The following CYP2U1 variants were observed in gnomAD, a reference collection of about 807,000 sequenced individuals.
CYP2U1 encodes cytochrome P450 family 2 subfamily U member 1.
CYP2U1 carries 28 observed loss-of-function variants against 42.8 expected under a neutral mutation model. The observed-to-expected ratio is 0.65, with a 90% CI of 0.48 to 0.90. The LOEUF (loss-of-function observed/expected upper bound fraction) is 0.90, where lower values mean the gene tolerates loss of function less well. CYP2U1 is among the 40% of genes least tolerant of loss of function. The pLI is 0.00. For synonymous variants in CYP2U1, 296 were observed against 278.9 expected, an observed-to-expected ratio of 1.06 and a Z score of -0.61; for missense variants, 642 against 693.8, an observed-to-expected ratio of 0.93 and a Z score of 0.84.
In CYP2U1 at chr4:107,951,387, C is replaced by T. The variant is rs1733899580; in HGVS notation, c.*964C>T. ...TGTCCTAGCGTCCCTGCCACCAGGC[C>T]CAATGCATCTGATCCTTGAATATAC... On this transcript the variant is annotated 3_prime_UTR_variant, in exon 5 of 5. Coordinates refer to ENST00000332884, the MANE Select transcript of CYP2U1 (RefSeq NM_183075.3). 1 of 152,154 alleles carries T rather than the reference C, an allele frequency of 6.6e-6. No homozygotes were observed. Among genetic ancestry groups the T allele is most frequent in the South Asian group, 2.1e-4 (1 of 4,826 alleles). 9.4% of individuals were successfully genotyped at this position (152,154 alleles called of 1,614,324 possible). A position where few individuals can be genotyped will look rare whatever the true frequency, so the allele number is the denominator to read the frequency against.
At position 107,931,740 on chromosome 4, in the gene CYP2U1, A is replaced by G; in HGVS notation, c.97A>G (p.Ser33Gly). 7.0e-7 allele frequency: 1 copy of G among 1,421,916 alleles called. No homozygotes were observed. The highest frequency in any genetic ancestry group is 1.5e-5 in the South Asian group (1 of 65,774). The allele number at this position is 1,421,916 out of a possible 1,614,324, so 88.1% of individuals were successfully genotyped here. A position where few individuals can be genotyped will look rare whatever the true frequency, so the allele number is the denominator to read the frequency against. ...TCTGGGGCTGCTGCGGCTGGACCCC[A>G]GCGGGGGCGCGCTGCTGCTATGCGG... is the stretch of plus-strand genomic sequence containing the variant. ...APLGLLRLDP[S>G]GGALLLCGLV... is the part of the protein sequence containing the mutation. Residue 33 changes from serine to glycine, a missense_variant, in exon 1 of 5, where the codon AGC (serine) becomes GGC (glycine). Transcript: ENST00000332884.
In CYP2U1 at chr4:107,949,521, A is replaced by G. The variant is rs1733835337; in HGVS notation, c.1456+4A>G. The G allele has an allele frequency of 2.6e-6, 4 of 1,535,532 alleles. No individual in the cohort carries two copies. Among genetic ancestry groups the G allele is most frequent in the Non-Finnish European group, 3.5e-6 (4 of 1,138,774 alleles). On this transcript the variant is annotated splice_donor_region_variant and intron_variant, in intron 4 of 4. Coordinates refer to ENST00000332884, the MANE Select transcript of CYP2U1 (RefSeq NM_183075.3). ...ACCTTTATTCCTTTTGGGATAGGTC[A>G]GTTACACTTTTTTAAACTGCATAAT...
At position 107,931,575 on chromosome 4, in the gene CYP2U1, G is replaced by C. The variant is rs1226061307; in HGVS notation, c.-69G>C. On this transcript the variant is annotated 5_prime_UTR_variant, in exon 1 of 5. Coordinates refer to ENST00000332884, the MANE Select transcript of CYP2U1 (RefSeq NM_183075.3). ...GAGCAGAGCAGGACACTGGCGCCGC[G>C]GGTCAGGCAGCTGCGTGCGCGTCTC... 2.5e-6 allele frequency: 3 copies of C among 1,214,392 alleles called. No homozygotes were observed. The highest frequency in any genetic ancestry group is 3.3e-5 in the East Asian group (1 of 30,198). 75.2% of individuals were successfully genotyped at this position (1,214,392 alleles called of 1,614,324 possible).
chr4:107,940,559 A>G (rs1258585100), intron 1 of CYP2U1: 1 of 151,802 alleles, frequency 6.6e-6, no homozygotes, highest in Non-Finnish European at 1.5e-5. Context: ...ATTTTACACT[A>G]AAGGAAAGAT....
At chr4:107,933,661 A>C (rs962451848) in intron 1 of CYP2U1, among the ~76,000 whole-genome samples, 3 of 152,238 alleles carry the variant, frequency 2.0e-5, no homozygotes, top group South Asian at 4.1e-4. Flanking sequence ...ACCTCCTGCG[A>C]ATAACAAAAC....
At chr4:107,948,361 C>T (rs748510777) in intron 3 of CYP2U1, among the ~76,000 whole-genome samples, 14 of 150,664 alleles carry the variant, frequency 9.3e-5, no homozygotes, top group Non-Finnish European at 1.6e-4. Flanking sequence ...GCCAGGAGTT[C>T]GAGACCAGCC....
At chr4:107,948,576 C>CAGT (rs879832185) in intron 3 of CYP2U1, among the ~76,000 whole-genome samples, 1 of 151,522 alleles carries the variant, frequency 6.6e-6, no homozygotes, top group Non-Finnish European at 1.5e-5. Flanking sequence ...CAGCCTGTCT[C>CAGT]AATAATAATA....
intron 1 of CYP2U1, chr4:107,940,797 G>A (rs1293590547): frequency 6.6e-6 from 1 of 152,138 alleles, no homozygotes; most frequent in East Asian, 1.9e-4. Context: ...AAGATGAGAA[G>A]GAAGGGGGAA....
chr4:107,932,101 T>C lies in CYP2U1; in HGVS notation c.458T>C (p.Val153Ala). The C allele has an allele frequency of 1.2e-6, 2 of 1,600,050 alleles. No homozygotes were observed. The highest frequency in any genetic ancestry group is 2.3e-5 in the South Asian group (2 of 88,590). ...GAGGTCTTCAGCGACCGCCCGCGGG[T>C]GCCGCTCATCTCCATCGTGACCAAG... ...QAEVFSDRPRVPLISIVTKEK... is the reference protein window; with the variant it reads ...QAEVFSDRPRAPLISIVTKEK... The change falls in exon 1 of 5, where the codon GTG (valine) becomes GCG (alanine). Residue 153 changes from valine to alanine, a missense_variant. By Grantham distance (64) the Val-to-Ala change is moderately conservative (BLOSUM62 0). Transcript: ENST00000332884.
chr4:107,950,369 A>T lies in CYP2U1; in HGVS notation c.1581A>T (p.Arg527Ser). ...CTAAGAAGCCCCTCCTGACTGGAAG[A>T]TTTGGTCTAACTTTAGCCCCACATC... Reference protein sequence around the residue: ...EDSKKPLLTGRFGLTLAPHPF... With the variant: ...EDSKKPLLTGSFGLTLAPHPF... The change falls in exon 5 of 5, where the codon AGA (arginine) becomes AGT (serine). Residue 527 changes from arginine (R) to serine (S), a missense_variant. Transcript: ENST00000332884. The T allele has an allele frequency of 6.2e-7, 1 of 1,613,990 alleles. No homozygotes were observed. The highest frequency in any genetic ancestry group is 1.1e-5 in the South Asian group (1 of 91,036).
chr4:107,934,669 T>A (rs1397099542), intron 1 of CYP2U1, among the ~76,000 whole-genome samples: 1 of 152,162 alleles, frequency 6.6e-6, no homozygotes, highest in Non-Finnish European at 1.5e-5. Context: ...CTTTTTTAGC[T>A]CTGCCTTCAC....
In CYP2U1 at chr4:107,931,576, G is replaced by C. The variant is rs1175541112; in HGVS notation, c.-68G>C. The C allele has an allele frequency of 2.5e-6, 3 of 1,216,934 alleles. No homozygotes were observed. Among genetic ancestry groups the C allele is most frequent in the Admixed American group, 4.3e-5 (1 of 23,148 alleles). The allele number at this position is 1,216,934 out of a possible 1,614,324, so 75.4% of individuals were successfully genotyped here. The stretch of plus-strand genomic sequence containing the variant: ...AGCAGAGCAGGACACTGGCGCCGCG[G>C]GTCAGGCAGCTGCGTGCGCGTCTCC... On this transcript the variant is annotated 5_prime_UTR_variant, in exon 1 of 5. Transcript: ENST00000332884.
chr4:107,948,492 G>A (rs1275793146), intron 3 of CYP2U1, among the ~76,000 whole-genome samples: 5 of 152,020 alleles, frequency 3.3e-5, no homozygotes, highest in South Asian at 2.1e-4. Context: ...ACTTGAACCC[G>A]GGAGGCAGAG....
In CYP2U1 at chr4:107,953,068, T is replaced by C. The variant is rs1308561922; in HGVS notation, c.*2645T>C. On this transcript the variant is annotated 3_prime_UTR_variant, in exon 5 of 5. Coordinates refer to ENST00000332884, the MANE Select transcript of CYP2U1 (RefSeq NM_183075.3). The stretch of plus-strand genomic sequence containing the variant: ...CTTGGGCGGGAGAGTTTGTTCTTGA[T>C]ATGGAATTCATATGCTTTTGAATTG... The C allele has an allele frequency of 6.6e-6, 1 of 152,200 alleles. No individual in the cohort carries two copies. The highest frequency in any genetic ancestry group is 1.5e-5 in the Non-Finnish European group (1 of 68,038). 9.4% of individuals were successfully genotyped at this position (152,200 alleles called of 1,614,324 possible). A position where few individuals can be genotyped will look rare whatever the true frequency, so the allele number is the denominator to read the frequency against.
chr4:107,947,363 C>T lies in CYP2U1; in HGVS notation c.1127-13C>T. On this transcript the variant is annotated splice_polypyrimidine_tract_variant and intron_variant, in intron 2 of 4. Coordinates refer to ENST00000332884, the MANE Select transcript of CYP2U1 (RefSeq NM_183075.3). ...ATGCTTATCTTCTGGTTTATTTTTC[C>T]CTTTTTACATAGAAAAGGTTCATGA... 1 of 1,613,770 alleles carries T rather than the reference C, an allele frequency of 6.2e-7. No homozygotes were observed. The highest frequency in any genetic ancestry group is 1.1e-5 in the South Asian group (1 of 91,072).
Position 107,931,648 on chromosome 4 carries a change from C to G in CYP2U1, c.5C>G (p.Ser2Trp), listed in dbSNP as rs550088634. ...GAGGCCGCCGGCGCCCGGACCATGT[C>G]GTCTCCGGGGCCGTCGCAGCCGCCG... M[S>W]SPGPSQPPAE... The change falls in exon 1 of 5, where the codon TCG becomes TGG. Residue 2 changes from serine (S) to tryptophan (W), a missense_variant. Physicochemically the swap from Ser to Trp is radical, Grantham distance 177. Coordinates refer to ENST00000332884, the MANE Select transcript of CYP2U1 (RefSeq NM_183075.3). 4.0e-6 allele frequency: 5 copies of G among 1,259,234 alleles called. No individual in the cohort carries two copies. Among genetic ancestry groups the G allele is most frequent in the East Asian group, 3.2e-5 (1 of 31,316 alleles). 78.0% of individuals were successfully genotyped at this position (1,259,234 alleles called of 1,614,324 possible). A position where few individuals can be genotyped will look rare whatever the true frequency, so the allele number is the denominator to read the frequency against.
intron 1 of CYP2U1, 193 bp downstream of exon 1, chr4:107,932,326 T>A: frequency 1.7e-6 from 1 of 580,652 alleles, no homozygotes; most frequent in Non-Finnish European, 2.2e-6. Context: ...CATCAAGTAG[T>A]GACGGACGCG....
At chr4:107,940,311 C>T (rs1733443424) in intron 1 of CYP2U1, 1 of 151,822 alleles carries the variant, frequency 6.6e-6, no homozygotes, top group Non-Finnish European at 1.5e-5. Context: ...GTCTGAAACT[C>T]CTGGGTTCAA....
chr4:107,947,318 G>A, intron 2 of CYP2U1, 58 bp from the exon 3 acceptor site: 1 of 1,497,652 alleles, frequency 6.7e-7, no homozygotes, highest in Non-Finnish European at 9.3e-7. Context: ...TGCAGAGGAG[G>A]GCACGTTCGA....
Sources: allele counts gnomAD v4.1 joint callset (sites outside exome capture counted in the v4.1 genomes callset), GRCh38; gene constraint gnomAD v4.1.1; transcripts MANE v1.5; gene names NCBI Gene and HGNC (gene_info 2026-07-23, HGNC 2026-07-21).